OR9Q1: variants seen among roughly 807,000 people sequenced by gnomAD.
OR9Q1 encodes olfactory receptor family 9 subfamily Q member 1.
For synonymous variants in OR9Q1, 153 were observed against 148.6 expected (o/e 1.03, Z -0.22); for missense variants, 374 against 378.8 (o/e 0.99, Z 0.11).
chr11:58,086,187 A>G (rs1380427450), intron 2 of OR9Q1, among the ~76,000 whole-genome samples: 2 of 151,978 alleles, frequency 1.3e-5, no homozygotes, highest in Non-Finnish European at 2.9e-5. Flanking sequence ...TAACCCAATT[A>G]AAACATGGAC....
At chr11:58,125,230 T>TC (rs1854077575) in intron 2 of OR9Q1, 2 of 52,152 alleles carry the variant, frequency 3.8e-5, no homozygotes, top group Non-Finnish European at 3.5e-5. Context: ...GATTCCCCCC[T>TC]TACCCACCGC....
chr11:58,112,379 C>T (rs1008612908), intron 2 of OR9Q1, among the ~76,000 whole-genome samples: 1 of 152,048 alleles, frequency 6.6e-6, no homozygotes, highest in South Asian at 2.1e-4. Flanking sequence ...CTAAATAAAC[C>T]ACAGATTCAG....
At chr11:58,162,279 G>A (rs1224318595) in intron 2 of OR9Q1, among the ~76,000 whole-genome samples, 2 of 152,214 alleles carry the variant, frequency 1.3e-5, no homozygotes, top group Admixed American at 1.3e-4. Flanking sequence ...TTTTGGAAAT[G>A]TTACGTTTTG....
chr11:58,137,176 T>C (rs944579228), intron 2 of OR9Q1, among the ~76,000 whole-genome samples: 5 of 152,164 alleles, frequency 3.3e-5, no homozygotes, highest in Non-Finnish European at 5.9e-5. Flanking sequence ...AAGTGGCTTA[T>C]AAAAATGCAT....
chr11:58,066,242 G>A (rs1026180916), intron 2 of OR9Q1, among the ~76,000 whole-genome samples: 17 of 152,150 alleles, frequency 1.1e-4, no homozygotes, highest in Non-Finnish European at 1.5e-4. Flanking sequence ...GTCGCAGCCC[G>A]GATGAACATA....
intron 1 of OR9Q1, among the ~76,000 whole-genome samples, chr11:58,034,568 C>T (rs1033829157): frequency 2.6e-5 from 4 of 151,988 alleles, no homozygotes; most frequent in Non-Finnish European, 2.9e-5. Flanking sequence ...TATGTATCAT[C>T]GGTGGTTGCT....
chr11:58,107,048 T>G (rs542682772), intron 2 of OR9Q1, among the ~76,000 whole-genome samples: 1 of 152,200 alleles, frequency 6.6e-6, no homozygotes, highest in Non-Finnish European at 1.5e-5. Flanking sequence ...ATTTGTAGAT[T>G]GCTTTGGATA....
intron 2 of OR9Q1, among the ~76,000 whole-genome samples, chr11:58,101,599 T>C (rs1488941398): frequency 6.6e-6 from 1 of 152,212 alleles, no homozygotes; most frequent in East Asian, 1.9e-4. Flanking sequence ...TTTACTCTGA[T>C]GATTATTTCT....
chr11:58,157,262 C>T lies in OR9Q1; in HGVS notation c.-14-22169C>T, dbSNP rs558710713. The stretch of plus-strand genomic sequence containing the variant: ...TACCAGGGTCGCTCCTACTGACATT[C>T]AGATCTCAGCTCACTTGCTCAGTAA... On this transcript the variant is annotated intron_variant, in intron 2 of 2. Coordinates refer to ENST00000335397, the MANE Select transcript of OR9Q1 (RefSeq NM_001005212.4). Among the ~76,000 whole-genome samples the T allele has an allele frequency of 3.3e-5, 5 of 152,304 alleles. No individual in the cohort carries two copies. In the South Asian group the frequency reaches 1.0e-3, roughly 32 times the overall value.
At chr11:58,101,744 C>G (rs186676432) in intron 2 of OR9Q1, among the ~76,000 whole-genome samples, 15 of 152,150 alleles carry the variant, frequency 9.9e-5, no homozygotes, top group African/African-American at 3.6e-4. Flanking sequence ...AAGTTATCTT[C>G]CAAAATTTTT....
At chr11:58,165,204 G>T (rs1565094839) in intron 2 of OR9Q1, among the ~76,000 whole-genome samples, 1 of 152,156 alleles carries the variant, frequency 6.6e-6, no homozygotes, top group Non-Finnish European at 1.5e-5. Context: ...AATATTTGTG[G>T]ACTAAATGAC....
chr11:58,062,357 A>G (rs1463295470), intron 2 of OR9Q1, among the ~76,000 whole-genome samples: 1 of 152,164 alleles, frequency 6.6e-6, no homozygotes, highest in Non-Finnish European at 1.5e-5. Context: ...GCCACTTTTT[A>G]GTTGATTGGG....
intron 2 of OR9Q1, among the ~76,000 whole-genome samples, chr11:58,150,764 G>A (rs1435951013): frequency 3.9e-5 from 6 of 152,132 alleles, no homozygotes; most frequent in African/African-American, 7.2e-5. Flanking sequence ...ACTAGTTTAC[G>A]TAGTTAATAT....
chr11:58,124,539 A>G (rs916364460), intron 2 of OR9Q1: 2 of 152,174 alleles, frequency 1.3e-5, no homozygotes, highest in African/African-American at 4.8e-5. Flanking sequence ...TTCTCACCTT[A>G]CTGAAATCAG....
chr11:58,116,082 G>A (rs907624168), intron 2 of OR9Q1, among the ~76,000 whole-genome samples: 1 of 152,242 alleles, frequency 6.6e-6, no homozygotes, highest in African/African-American at 2.4e-5. Flanking sequence ...AAAGAAGCCC[G>A]AGGATAGGCA....
In OR9Q1 at chr11:58,181,601, C is replaced by G. The variant is rs1296168996; in HGVS notation, c.*1224C>G. ...AAAAAAAAAAAATCCAAAACCAAAA[C>G]AACAACAACAAAAAATCCAGGGTAC... On this transcript the variant is annotated 3_prime_UTR_variant, in exon 3 of 3. Coordinates refer to ENST00000335397, the MANE Select transcript of OR9Q1 (RefSeq NM_001005212.4). 2.5e-5 allele frequency: 3 copies of G among 118,332 alleles called. No homozygotes were observed. Among genetic ancestry groups the G allele is most frequent in the East Asian group, 4.9e-4 (2 of 4,118 alleles). The allele number at this position is 118,332 out of a possible 1,614,324, so 7.3% of individuals were successfully genotyped here.
intron 1 of OR9Q1, among the ~76,000 whole-genome samples, chr11:58,043,498 G>T (rs1275606219): frequency 6.6e-6 from 1 of 152,152 alleles, no homozygotes; most frequent in Non-Finnish European, 1.5e-5. Context: ...TAGAGTCCAT[G>T]CTCCAGAGTC....
intron 2 of OR9Q1, among the ~76,000 whole-genome samples, chr11:58,142,512 G>C (rs1483585585): frequency 6.6e-6 from 1 of 151,964 alleles, no homozygotes. Flanking sequence ...GAATTCAGTG[G>C]GGGAAAAAAC....
chr11:58,154,160 AG>A (rs1854382368), intron 2 of OR9Q1, among the ~76,000 whole-genome samples: 1 of 57,694 alleles, frequency 1.7e-5, no homozygotes, highest in Non-Finnish European at 4.2e-5. Context: ...GAAGAGGAGA[AG>A]GAGGAGGAGA....
Sources: gnomAD v4.1 joint callset for allele counts (sites outside exome capture counted in the v4.1 genomes callset) on GRCh38, gnomAD v4.1.1 for gene constraint, MANE v1.5 for transcripts, NCBI Gene and HGNC (gene_info 2026-07-23, HGNC 2026-07-21) for gene names.